The following ZC3H13 variants were observed in gnomAD, a reference collection of about 807,000 sequenced individuals.
ZC3H13 encodes the protein zinc finger CCCH-type containing 13.
In ZC3H13, 64 loss-of-function variants were observed where a neutral mutation model predicts 204.1. The ratio of observed to expected loss-of-function variants is 0.31; its 90% confidence interval spans 0.26 to 0.39. The LOEUF (loss-of-function observed/expected upper bound fraction) is 0.39, where lower values mean the gene tolerates loss of function less well. Among genes scored for constraint, ZC3H13 ranks in the 10% least tolerant of loss-of-function variants. The probability of loss-of-function intolerance (pLI) is 1.00; values close to 1 mark genes in which losing one functional copy is unlikely to be tolerated. For synonymous variants in ZC3H13, 667 were observed against 693.7 expected (o/e 0.96, Z 0.60); for missense variants, 1,833 against 2,082.7 (o/e 0.88, Z 2.33).
chr13:46,050,498 G>A (rs2044328727), intron 1 of ZC3H13, among the ~76,000 whole-genome samples: 1 of 151,958 alleles, frequency 6.6e-6, no homozygotes, highest in Non-Finnish European at 1.5e-5. Context: ...AAACAATTAG[G>A]CAATTAAAAC....
At chr13:46,051,544 C>G (rs1278249267) in intron 1 of ZC3H13, among the ~76,000 whole-genome samples, 1 of 152,060 alleles carries the variant, frequency 6.6e-6, no homozygotes, top group Non-Finnish European at 1.5e-5. Flanking sequence ...AGAACTAGAC[C>G]CCGCTAACTG....
At chr13:46,038,093 T>C (rs2043322276) in intron 4 of ZC3H13, among the ~76,000 whole-genome samples, 1 of 152,128 alleles carries the variant, frequency 6.6e-6, no homozygotes, top group South Asian at 2.1e-4. Context: ...TCTCAGCATG[T>C]CTCTTTTCTC....
intron 17 of ZC3H13, chr13:45,962,115 T>G: frequency 2.1e-6 from 2 of 944,604 alleles, no homozygotes; most frequent in Non-Finnish European, 2.5e-6. Flanking sequence ...AAACCTACTA[T>G]GTATGTCAGG....
At position 45,975,832 on chromosome 13, in the gene ZC3H13, C is replaced by A; in HGVS notation, c.1919G>T (p.Arg640Ile). 6.2e-7 allele frequency: 1 copy of A among 1,608,356 alleles called. No individual in the cohort carries two copies. Among genetic ancestry groups the A allele is most frequent in the Non-Finnish European group, 8.5e-7 (1 of 1,175,710 alleles). Reference protein sequence around the residue: ...DRRDNRERDQRPSSPIRHQGR... With the variant: ...DRRDNRERDQIPSSPIRHQGR... ...CTGATGTCGAATTGGTGAGCTTGGT[C>A]TTTGATCTACAATGAAAATCAAGTT... Residue 640 changes from arginine to isoleucine, a missense_variant, in exon 12 of 19, where the codon AGA (arginine) becomes ATA (isoleucine). This residue lies in a region of ZC3H13 where 1,574 missense variants were observed against 1,757.2 expected (regional missense o/e 0.90). Transcript: ENST00000679008.
At chr13:45,996,361 T>A (rs1466472166) in intron 8 of ZC3H13, among the ~76,000 whole-genome samples, 1 of 152,224 alleles carries the variant, frequency 6.6e-6, no homozygotes, top group Non-Finnish European at 1.5e-5. Context: ...TAATTTCCCT[T>A]TGATTTACAT....
Position 46,052,324 on chromosome 13 carries a change from G to C in ZC3H13, c.-10+80C>G, listed in dbSNP as rs372305727. On this transcript the variant is annotated intron_variant, in intron 1 of 18. Coordinates refer to ENST00000679008, the MANE Select transcript of ZC3H13 (RefSeq NM_001330564.2). ...TCCCAGTGACTCAAGCAAAGACGGG[G>C]GGGGGTAACCCGGGCCTCCGCATTA... 3.1e-5 allele frequency: 12 copies of C among 390,424 alleles called. No homozygotes were observed. The South Asian group carries it at 5.8e-4, about 19-fold the overall frequency. 24.2% of individuals were successfully genotyped at this position (390,424 alleles called of 1,614,324 possible). A position where few individuals can be genotyped will look rare whatever the true frequency, so the allele number is the denominator to read the frequency against.
chr13:45,969,551 T>C lies in ZC3H13; in HGVS notation c.2993A>G (p.Gln998Arg). Residue 998 changes from glutamine to arginine, a missense_variant, in exon 14 of 19, where the codon CAG becomes CGG. This residue lies in a region of ZC3H13 where 1,574 missense variants were observed against 1,757.2 expected (regional missense o/e 0.90). Transcript: ENST00000679008. Reference sequence around the variant, plus strand: ...TTTTTTTTCAATGCTTTTCTTTTTCTGTCCTTTTTTTGGTGAAAATACTTG... The same window carrying C: ...TTTTTTTTCAATGCTTTTCTTTTTCCGTCCTTTTTTTGGTGAAAATACTTG... ...DGQVFSPKKG[Q>R]KKKSIEKKRK... 1 of 1,608,258 alleles carries C rather than the reference T, an allele frequency of 6.2e-7. No homozygotes were observed. The highest frequency in any genetic ancestry group is 8.5e-7 in the Non-Finnish European group (1 of 1,178,666).
In ZC3H13 at chr13:45,967,850, T is replaced by G; in HGVS notation, c.3975A>C (p.Arg1325=). 6.2e-7 allele frequency: 1 copy of G among 1,614,024 alleles called. No homozygotes were observed. The highest frequency in any genetic ancestry group is 1.3e-5 in the African/African-American group (1 of 75,030). The change falls in exon 15 of 19, where the codon CGA becomes CGC. Residue 1325 remains arginine (R), a synonymous_variant. Coordinates refer to ENST00000679008, the MANE Select transcript of ZC3H13 (RefSeq NM_001330564.2). ...RRDTRQREWD[R]DADKDWPRNR... Reference sequence around the variant, plus strand: ...TGCGTGGCCAATCTTTATCAGCATCTCGGTCCCATTCTCTCTGCCTCGTAT... The same window carrying G: ...TGCGTGGCCAATCTTTATCAGCATCGCGGTCCCATTCTCTCTGCCTCGTAT...
chr13:46,027,107 AT>A (rs1372817098), intron 4 of ZC3H13, among the ~76,000 whole-genome samples: 1 of 151,492 alleles, frequency 6.6e-6, no homozygotes, highest in Non-Finnish European at 1.5e-5. Flanking sequence ...GGTGTTTTTT[AT>A]TTTTTTTTAT....
intron 10 of ZC3H13, among the ~76,000 whole-genome samples, chr13:45,980,869 A>G (rs1953522190): frequency 6.6e-6 from 1 of 152,194 alleles, no homozygotes; most frequent in Admixed American, 6.5e-5. Context: ...ACAAAAAGCT[A>G]CATACAGACA....
chr13:45,974,154 G>A (rs1952819376), intron 12 of ZC3H13, among the ~76,000 whole-genome samples: 1 of 152,050 alleles, frequency 6.6e-6, no homozygotes, highest in Non-Finnish European at 1.5e-5. Flanking sequence ...CCAGTTGGAG[G>A]CAAAAAAGTA....
chr13:45,985,890 G>A, intron 9 of ZC3H13, 129 bp from the exon 10 acceptor site: 1 of 847,598 alleles, frequency 1.2e-6, no homozygotes. Flanking sequence ...AAAAAATAAA[G>A]AAGCTAAAAT....
chr13:46,015,415 C>T (rs1453301112), intron 5 of ZC3H13, among the ~76,000 whole-genome samples: 1 of 152,102 alleles, frequency 6.6e-6, no homozygotes. Context: ...TTACACATGT[C>T]AAGTATTTTC....
chr13:45,995,148 T>C (rs554241338), intron 8 of ZC3H13, among the ~76,000 whole-genome samples: 3 of 152,280 alleles, frequency 2.0e-5, no homozygotes, highest in South Asian at 4.1e-4. Flanking sequence ...ATTGACTCTA[T>C]ATTATGCATT....
intron 11 of ZC3H13, chr13:45,976,311 C>G (rs1444032877): frequency 9.4e-6 from 9 of 958,138 alleles, no homozygotes; most frequent in Non-Finnish European, 1.1e-5. Flanking sequence ...CCTCTAATTT[C>G]AGGCCAAAAT....
At chr13:45,965,899 T>C (rs1173763440) in intron 15 of ZC3H13, among the ~76,000 whole-genome samples, 1 of 152,200 alleles carries the variant, frequency 6.6e-6, no homozygotes, top group Admixed American at 6.5e-5. Flanking sequence ...TAGTTCATAT[T>C]ATTTAGCTCA....
At chr13:45,961,711 T>C (rs891605748) in intron 17 of ZC3H13, among the ~76,000 whole-genome samples, 2 of 152,016 alleles carry the variant, frequency 1.3e-5, no homozygotes, top group Non-Finnish European at 2.9e-5. Flanking sequence ...AATTTAATTA[T>C]ACATTTAAAA....
chr13:46,011,151 T>C (rs960075117), intron 6 of ZC3H13, among the ~76,000 whole-genome samples: 2 of 152,162 alleles, frequency 1.3e-5, no homozygotes, highest in Admixed American at 6.5e-5. Flanking sequence ...ATAGGCAGAT[T>C]CAAACCCCAT....
rs917425122 is a variant in ZC3H13, at chr13:46,004,611, A to G, written c.747-1275T>C. On this transcript the variant is annotated intron_variant, in intron 7 of 18. Coordinates refer to ENST00000679008, the MANE Select transcript of ZC3H13 (RefSeq NM_001330564.2). ...TTGACTGTATAGAATTTCCCTGAAT[A>G]GATGCTCCAAAACTTTCTAAAACAA... Among the ~76,000 whole-genome samples the G allele has an allele frequency of 2.0e-5, 3 of 152,188 alleles. No homozygotes were observed. The South Asian group carries it at 6.2e-4, about 31-fold the overall frequency.
Sources: allele counts gnomAD v4.1 joint callset (sites outside exome capture counted in the v4.1 genomes callset), GRCh38; gene constraint gnomAD v4.1.1; regional missense constraint gnomAD v4.1.1; transcripts MANE v1.5; gene names NCBI Gene and HGNC (gene_info 2026-07-23, HGNC 2026-07-21).